The following ZMYND11 variants were observed in gnomAD, a reference collection of about 807,000 sequenced individuals.
ZMYND11 encodes the protein zinc finger MYND domain-containing protein 11.
A neutral mutation model predicts 84.9 loss-of-function variants in ZMYND11; 9 were observed. The observed-to-expected ratio is 0.11, with a 90% CI of 0.06 to 0.18. ZMYND11 has a LOEUF of 0.18. Ranked by LOEUF, ZMYND11 falls within the 10% of genes least tolerant of loss-of-function variation. ZMYND11 has a pLI of 1.00. For synonymous variants in ZMYND11, 250 were observed against 244.1 expected, an observed-to-expected ratio of 1.02 and a Z score of -0.23; for missense variants, 409 against 761.0, an observed-to-expected ratio of 0.54 and a Z score of 5.44.
chr10:183,519 A>G (rs1285710802), intron 2 of ZMYND11, among the ~76,000 whole-genome samples: 1 of 152,100 alleles, frequency 6.6e-6, no homozygotes, highest in Admixed American at 6.5e-5. Flanking sequence ...CCAAATGATA[A>G]TCATCCAATC....
intron 1 of ZMYND11, among the ~76,000 whole-genome samples, chr10:151,110 A>G (rs1554756884): frequency 6.6e-6 from 1 of 152,176 alleles, no homozygotes; most frequent in Non-Finnish European, 1.5e-5. Flanking sequence ...AACCTCAAAG[A>G]TGGGGAAAAA....
chr10:204,892 TATTAG>T, intron 2 of ZMYND11, among the ~76,000 whole-genome samples: 2 of 151,786 alleles, frequency 1.3e-5, no homozygotes, highest in South Asian at 4.1e-4. Context: ...TTGTATTTAA[TATTAG>T]ATTATATTCA....
At chr10:220,822 G>T (rs975518982) in intron 3 of ZMYND11, among the ~76,000 whole-genome samples, 3 of 152,108 alleles carry the variant, frequency 2.0e-5, no homozygotes, top group Non-Finnish European at 2.9e-5. Flanking sequence ...CAAAACAAAG[G>T]TTTGTTTATT....
intron 1 of ZMYND11, among the ~76,000 whole-genome samples, chr10:162,503 G>C (rs1554762271): frequency 6.6e-6 from 1 of 151,826 alleles, no homozygotes. Context: ...AAAACAATGA[G>C]TTATGCCTGT....
chr10:158,985 T>TTTG, intron 1 of ZMYND11, among the ~76,000 whole-genome samples: 1 of 21,938 alleles, frequency 4.6e-5, no homozygotes, highest in African/African-American at 1.1e-4. Context: ...GGGTTTTTTG[T>TTTG]TTTTTGTTTT....
chr10:240,749 CTT>C (rs941600047), intron 8 of ZMYND11, 142 bp from the exon 9 acceptor site: 2 of 659,614 alleles, frequency 3.0e-6, no homozygotes, highest in African/African-American at 1.8e-5. Flanking sequence ...TTATTGAAAA[CTT>C]TAAAATTTAG....
chr10:250,113 G>GCT (rs1384978649), intron 14 of ZMYND11, among the ~76,000 whole-genome samples: 1 of 152,212 alleles, frequency 6.6e-6, no homozygotes, highest in Non-Finnish European at 1.5e-5. Context: ...TTTCACTGCT[G>GCT]CTCGTAAGGT....
intron 1 of ZMYND11, among the ~76,000 whole-genome samples, chr10:174,971 A>G (rs535786795): frequency 1.3e-5 from 2 of 151,138 alleles, no homozygotes; most frequent in African/African-American, 4.8e-5. Context: ...CTACAGTGGC[A>G]CATGCTTGTC....
intron 10 of ZMYND11, 55 bp downstream of exon 10, chr10:242,194 A>AT: frequency 6.3e-7 from 1 of 1,586,020 alleles, no homozygotes; most frequent in Non-Finnish European, 8.6e-7. Context: ...AGTCCTTAAG[A>AT]AAGTTTGATG....
intron 3 of ZMYND11, among the ~76,000 whole-genome samples, chr10:212,506 GAAGT>G (rs542661589): frequency 1.2e-3 from 189 of 151,434 alleles, no homozygotes; most frequent in African/African-American, 4.2e-3. Context: ...TTATTAGAAA[GAAGT>G]AAGATCTCGT....
chr10:227,781 G>C (rs1948376063), intron 4 of ZMYND11, among the ~76,000 whole-genome samples: 1 of 152,196 alleles, frequency 6.6e-6, no homozygotes, highest in Non-Finnish European at 1.5e-5. Flanking sequence ...TTTCTGATCA[G>C]GCATATTTTA....
At chr10:217,417 G>A (rs538933269) in intron 3 of ZMYND11, among the ~76,000 whole-genome samples, 18 of 152,074 alleles carry the variant, frequency 1.2e-4, no homozygotes, top group Admixed American at 1.0e-3. Flanking sequence ...CAGCTACTTG[G>A]GAAGCTGAGG....
chr10:177,887 T>C, intron 1 of ZMYND11, among the ~76,000 whole-genome samples: 1 of 152,188 alleles, frequency 6.6e-6, no homozygotes, highest in East Asian at 1.9e-4. Context: ...TATAATAATA[T>C]ATTTCTGCTT....
chr10:193,505 G>A lies in ZMYND11; in HGVS notation c.116+13377G>A, dbSNP rs145483680. Among the ~76,000 whole-genome samples the A allele has an allele frequency of 4.6e-3, 700 of 152,304 alleles. 5 individuals are homozygous for A. Among genetic ancestry groups the A allele is most frequent in the African/African-American group, 0.016 (669 of 41,554 alleles). Reference sequence around the variant, plus strand: ...CACTCAACAGTCTTCAATGATATTTGTTGAGTGCTAGGTGAATGTAGGCTT... The same window carrying A: ...CACTCAACAGTCTTCAATGATATTTATTGAGTGCTAGGTGAATGTAGGCTT... On this transcript the variant is annotated intron_variant, in intron 2 of 14. Transcript: ENST00000381604.
intron 1 of ZMYND11, among the ~76,000 whole-genome samples, chr10:158,984 G>GTTTTTTTTTTTTTTTTTTT (rs376931420): frequency 2.5e-5 from 1 of 40,024 alleles, no homozygotes; most frequent in African/African-American, 7.6e-5. Context: ...AGGGTTTTTT[G>GTTTTTTTTTTTTTTTTTTT]TTTTTTGTTT....
intron 2 of ZMYND11, among the ~76,000 whole-genome samples, chr10:208,681 A>G (rs1468397914): frequency 1.3e-5 from 2 of 152,190 alleles, no homozygotes; most frequent in African/African-American, 2.4e-5. Flanking sequence ...CTGTCAATGC[A>G]GTTAACAGAA....
chr10:134,315 A>G (rs909438869), upstream of ZMYND11: 15 of 152,240 alleles, frequency 9.9e-5, no homozygotes, highest in African/African-American at 3.6e-4. Flanking sequence ...TCTGACTGAC[A>G]GGTGTTCCCC....
intron 10 of ZMYND11, 102 bp downstream of exon 10, chr10:242,241 T>C: frequency 7.0e-7 from 1 of 1,433,724 alleles, no homozygotes; most frequent in Non-Finnish European, 9.4e-7. Flanking sequence ...TTATTTTAAA[T>C]TGGAAAAAAA....
intron 1 of ZMYND11, among the ~76,000 whole-genome samples, chr10:157,653 T>G (rs1012562132): frequency 7.9e-5 from 12 of 152,306 alleles, no homozygotes; most frequent in African/African-American, 2.9e-4. Context: ...TGTAATTCTT[T>G]GTAAGTTCAT....
Sources: allele counts gnomAD v4.1 joint callset (sites outside exome capture counted in the v4.1 genomes callset), GRCh38; gene constraint gnomAD v4.1.1; transcripts MANE v1.5; gene names NCBI Gene and HGNC (gene_info 2026-07-23, HGNC 2026-07-21).